Variants in NSRP1 observed in about 807,000 individuals in gnomAD.
The protein encoded by NSRP1 is coiled-coil domain containing 55.
Under a neutral mutation model 54.7 loss-of-function variants are expected in NSRP1, and 24 were observed. The ratio of observed to expected loss-of-function variants is 0.44; its 90% CI spans 0.32 to 0.62. The LOEUF is 0.62. Ranked by LOEUF, NSRP1 falls within the 20% of genes least tolerant of loss-of-function variation. NSRP1 has a pLI of 0.06. For synonymous variants in NSRP1, 210 were observed against 213.8 expected (o/e 0.98, Z 0.15); for missense variants, 596 against 651.2 (o/e 0.92, Z 0.92).
chr17:30,161,932 C>T (rs568592721), intron 2 of NSRP1, among the ~76,000 whole-genome samples: 40 of 151,962 alleles, frequency 2.6e-4, no homozygotes, highest in African/African-American at 8.7e-4. Flanking sequence ...TTTATTTTCA[C>T]CTCTTTAGTT....
chr17:30,156,186 T>C (rs1195458282), intron 2 of NSRP1, among the ~76,000 whole-genome samples: 5 of 97,574 alleles, frequency 5.1e-5, no homozygotes, highest in Non-Finnish European at 2.0e-5. Context: ...TGTACATTAT[T>C]TCAAATAGTT....
intron 2 of NSRP1, among the ~76,000 whole-genome samples, chr17:30,135,664 C>T (rs774795331): frequency 2.5e-4 from 38 of 151,050 alleles, no homozygotes; most frequent in East Asian, 8.1e-4. Flanking sequence ...TTAGTAGAGA[C>T]GGGGTTTCAC....
At chr17:30,154,228 G>A (rs1440851459) in intron 2 of NSRP1, among the ~76,000 whole-genome samples, 2 of 151,868 alleles carry the variant, frequency 1.3e-5, no homozygotes, top group Non-Finnish European at 2.9e-5. Flanking sequence ...GGCTGAGGCG[G>A]GAGAATTGCT....
At chr17:30,168,174 G>T (rs1394018900) in intron 2 of NSRP1, 2 of 152,072 alleles carry the variant, frequency 1.3e-5, no homozygotes, top group African/African-American at 4.8e-5. Context: ...TTGGAATCTT[G>T]CTTTGCCATT....
At chr17:30,171,589 G>C (rs886745699) in intron 2 of NSRP1, among the ~76,000 whole-genome samples, 3 of 152,220 alleles carry the variant, frequency 2.0e-5, no homozygotes, top group Admixed American at 2.0e-4. Context: ...TTACAGGCAT[G>C]AGCCACCGCG....
chr17:30,181,944 A>G (rs1905316174), intron 6 of NSRP1, among the ~76,000 whole-genome samples: 1 of 146,316 alleles, frequency 6.8e-6, no homozygotes, highest in Admixed American at 6.9e-5. Context: ...ATGGGGCTTT[A>G]TGTTGCCCAG....
At chr17:30,137,879 T>C (rs769398866) in intron 2 of NSRP1, among the ~76,000 whole-genome samples, 2 of 152,250 alleles carry the variant, frequency 1.3e-5, no homozygotes, top group Non-Finnish European at 2.9e-5. Flanking sequence ...AAATTTACCA[T>C]TTAAGCATTA....
At chr17:30,165,129 A>C (rs1904683541) in intron 2 of NSRP1, among the ~76,000 whole-genome samples, 1 of 152,240 alleles carries the variant, frequency 6.6e-6, no homozygotes, top group Admixed American at 6.5e-5. Flanking sequence ...TTTATTTAAC[A>C]TTCATCAAAC....
intron 2 of NSRP1, among the ~76,000 whole-genome samples, chr17:30,129,791 A>G (rs1220590516): frequency 1.3e-5 from 2 of 152,246 alleles, no homozygotes; most frequent in South Asian, 2.1e-4. Context: ...AGACAGTTGT[A>G]CATAGATAAG....
At chr17:30,134,196 C>G (rs1319335976) in intron 2 of NSRP1, among the ~76,000 whole-genome samples, 1 of 152,208 alleles carries the variant, frequency 6.6e-6, no homozygotes, top group East Asian at 1.9e-4. Flanking sequence ...AAACACACAA[C>G]ATGTATCAGT....
At chr17:30,138,213 A>T (rs4322725) in intron 2 of NSRP1, among the ~76,000 whole-genome samples, 1 of 152,188 alleles carries the variant, frequency 6.6e-6, no homozygotes, top group Non-Finnish European at 1.5e-5. Context: ...GTATATGTGT[A>T]TCACATTTTG....
Position 30,180,835 on chromosome 17 carries a change from ACTG to A in NSRP1, c.509-72_509-70del, listed in dbSNP as rs564472257. 3,498 of 954,360 alleles carry A rather than the reference ACTG, an allele frequency of 3.7e-3. 75 individuals are homozygous for A. In the African/African-American group the frequency reaches 0.051, roughly 14 times the overall value. 59.1% of individuals were successfully genotyped at this position (954,360 alleles called of 1,614,324 possible). On this transcript the variant is annotated intron_variant, in intron 5 of 6. Transcript: ENST00000247026. ...GTAGTTTACACACTGTATGTTATAT[ACTG>A]TATGTCTGTAAAATGAAACTGCACT...
chr17:30,147,127 CTTTTCTTTTT>C (rs901580178), intron 2 of NSRP1, among the ~76,000 whole-genome samples: 2 of 115,118 alleles, frequency 1.7e-5, no homozygotes, highest in Non-Finnish European at 3.6e-5. Context: ...TTTTTCTTTT[CTTTTCTTTTT>C]TTTTTTTTGA....
intron 2 of NSRP1, among the ~76,000 whole-genome samples, chr17:30,130,200 A>G (rs889529604): frequency 1.3e-5 from 2 of 152,108 alleles, no homozygotes; most frequent in South Asian, 2.1e-4. Flanking sequence ...GGCTCAAGCA[A>G]TTCTCCCACC....
At chr17:30,162,401 G>C (rs1904552919) in intron 2 of NSRP1, among the ~76,000 whole-genome samples, 1 of 152,178 alleles carries the variant, frequency 6.6e-6, no homozygotes, top group African/African-American at 2.4e-5. Context: ...TAATGAAAAT[G>C]TTAGGGTACT....
chr17:30,172,422 A>G (rs1034172756), intron 2 of NSRP1, 120 bp from the exon 3 acceptor site: 13 of 627,802 alleles, frequency 2.1e-5, no homozygotes, highest in Non-Finnish European at 3.1e-5. Flanking sequence ...ACCAGTAAGT[A>G]TTTTAAAAAT....
At chr17:30,130,911 A>G (rs984698313) in intron 2 of NSRP1, among the ~76,000 whole-genome samples, 2 of 152,194 alleles carry the variant, frequency 1.3e-5, no homozygotes, top group African/African-American at 4.8e-5. Flanking sequence ...AATGCATTCA[A>G]CAGATATTTA....
intron 2 of NSRP1, among the ~76,000 whole-genome samples, chr17:30,171,957 CA>C: frequency 7.4e-6 from 1 of 135,396 alleles, no homozygotes; most frequent in Non-Finnish European, 1.6e-5. Context: ...CACACACACA[CA>C]CACACACACA....
At chr17:30,183,076 C>A (rs1026630989) in intron 6 of NSRP1, among the ~76,000 whole-genome samples, 1 of 152,060 alleles carries the variant, frequency 6.6e-6, no homozygotes, top group Non-Finnish European at 1.5e-5. Context: ...TGAACATTAC[C>A]ATTTCTTGAG....
Sources: allele counts gnomAD v4.1 joint callset (sites outside exome capture counted in the v4.1 genomes callset), GRCh38; gene constraint gnomAD v4.1.1; transcripts MANE v1.5; gene names NCBI Gene and HGNC (gene_info 2026-07-23, HGNC 2026-07-21).